The following NUMB variants were observed in gnomAD, a reference collection of about 807,000 sequenced individuals.
NUMB encodes NUMB endocytic adaptor protein, also known as protein numb homolog.
NUMB carries 29 observed loss-of-function variants against 59.7 expected under a neutral mutation model. The observed-to-expected ratio is 0.49, with a 90% CI of 0.36 to 0.66. The LOEUF is 0.66. Among genes scored for constraint, NUMB ranks in the 30% least tolerant of loss-of-function variants. The pLI is 0.00. For synonymous variants in NUMB, 288 were observed against 288.2 expected (o/e 1.00, Z 0.01); for missense variants, 723 against 822.0 (o/e 0.88, Z 1.47).
At chr14:73,352,704 T>TA (rs1893472307) in intron 4 of NUMB, among the ~76,000 whole-genome samples, 1 of 145,798 alleles carries the variant, frequency 6.9e-6, no homozygotes, top group African/African-American at 2.5e-5. Context: ...CCAGCTAATT[T>TA]TTTTTTTTTT....
intron 7 of NUMB, among the ~76,000 whole-genome samples, chr14:73,294,900 G>A (rs1889656158): frequency 7.3e-6 from 1 of 136,276 alleles, no homozygotes. Context: ...AGGACTGCTT[G>A]AGCCCAGGGG....
At position 73,422,190 on chromosome 14, in the gene NUMB, G is replaced by A. The variant is rs10132925; in HGVS notation, c.-232-12122C>T. On this transcript the variant is annotated intron_variant, in intron 1 of 12. Transcript: ENST00000555238. Reference sequence around the variant, plus strand: ...AACAGGTTTTTCACCTACAATGTCTGGGGAAATAAAGTTATGCGGAACTGT... The same window carrying A: ...AACAGGTTTTTCACCTACAATGTCTAGGGAAATAAAGTTATGCGGAACTGT... Among the ~76,000 whole-genome samples, 202 of 152,150 alleles carry A rather than the reference G, an allele frequency of 1.3e-3. 1 individual carries two copies. The highest frequency in any genetic ancestry group is 4.7e-3 in the African/African-American group (195 of 41,526).
chr14:73,431,210 C>T (rs1897813303), intron 1 of NUMB, among the ~76,000 whole-genome samples: 1 of 150,964 alleles, frequency 6.6e-6, no homozygotes, highest in African/African-American at 2.4e-5. Context: ...CCGCCTTGGC[C>T]TTCCAAAGTG....
At chr14:73,341,553 G>A (rs1892630130) in intron 4 of NUMB, among the ~76,000 whole-genome samples, 1 of 152,088 alleles carries the variant, frequency 6.6e-6, no homozygotes, top group Admixed American at 6.6e-5. Flanking sequence ...AATGGGGTAG[G>A]AAAAGTGTTG....
At chr14:73,350,056 C>T (rs1417977798) in intron 4 of NUMB, among the ~76,000 whole-genome samples, 2 of 132,338 alleles carry the variant, frequency 1.5e-5, no homozygotes, top group African/African-American at 3.2e-5. Flanking sequence ...TACATACATA[C>T]ATATATACAT....
At chr14:73,434,039 A>G (rs1897945627) in intron 1 of NUMB, among the ~76,000 whole-genome samples, 1 of 152,198 alleles carries the variant, frequency 6.6e-6, no homozygotes, top group Non-Finnish European at 1.5e-5. Context: ...GGTCACAGTG[A>G]GCCAAGATCG....
chr14:73,284,069 A>ACATTACCTGCC lies in NUMB; in HGVS notation c.949+11_949+12insGGCAGGTAATG. ...CTCGAGTACCCAGTGAGTCAGGTAG[A>ACATTACCTGCC]TGCTACATTACCTGCATTTTTAATG... On this transcript the variant is annotated intron_variant, in intron 10 of 12. Transcript: ENST00000555238. 1.9e-6 allele frequency: 3 copies of ACATTACCTGCC among 1,611,852 alleles called. No individual in the cohort carries two copies. Among genetic ancestry groups the ACATTACCTGCC allele is most frequent in the Non-Finnish European group, 2.5e-6 (3 of 1,178,028 alleles).
intron 6 of NUMB, among the ~76,000 whole-genome samples, chr14:73,307,760 T>C (rs1435524909): frequency 1.7e-5 from 2 of 114,312 alleles, no homozygotes; most frequent in Non-Finnish European, 3.4e-5. Flanking sequence ...TGAGACGGAG[T>C]CTTGCTCTGT....
chr14:73,365,555 G>C (rs1211693272), intron 3 of NUMB, among the ~76,000 whole-genome samples: 1 of 151,934 alleles, frequency 6.6e-6, no homozygotes, highest in South Asian at 2.1e-4. Flanking sequence ...AGGACTGCTC[G>C]AGCCTAAGAG....
intron 2 of NUMB, among the ~76,000 whole-genome samples, chr14:73,388,109 A>G (rs963011874): frequency 6.8e-6 from 1 of 146,114 alleles, no homozygotes; most frequent in East Asian, 1.9e-4. Flanking sequence ...TCTCTAAAAA[A>G]ATAAAATAAA....
rs186266665 is a variant in NUMB, at chr14:73,288,986, A to T, written c.451-1672T>A. ...GCCTACAGTAAGCTCTAATTGTGCC[A>T]CTGCACTCCAGCCTGGGTGACATAA... On this transcript the variant is annotated intron_variant, in intron 8 of 12. Coordinates refer to ENST00000555238, the MANE Select transcript of NUMB (RefSeq NM_001005743.2). Among the ~76,000 whole-genome samples the T allele has an allele frequency of 1.6e-3, 246 of 152,308 alleles. 1 individual carries two copies. The highest frequency in any genetic ancestry group is 1.8e-3 in the Non-Finnish European group (120 of 68,030).
intron 3 of NUMB, among the ~76,000 whole-genome samples, chr14:73,364,549 C>CAT (rs1042022156): frequency 1.1e-4 from 17 of 151,762 alleles, no homozygotes; most frequent in Non-Finnish European, 1.6e-4. Context: ...AATACACATA[C>CAT]ATATATATAT....
chr14:73,288,270 A>T (rs368795751), intron 8 of NUMB, among the ~76,000 whole-genome samples: 89 of 151,920 alleles, frequency 5.9e-4, no homozygotes, highest in African/African-American at 2.0e-3. Flanking sequence ...AAAAAAAATT[A>T]GGCCAGGTGC....
At chr14:73,391,075 A>C (rs576506559) in intron 2 of NUMB, among the ~76,000 whole-genome samples, 325 of 151,400 alleles carry the variant, frequency 2.1e-3, no homozygotes, top group Non-Finnish European at 4.0e-3. Flanking sequence ...ATATATTCAA[A>C]CTCTTTTTCT....
At chr14:73,300,144 G>A (rs774322790) in intron 6 of NUMB, among the ~76,000 whole-genome samples, 6 of 152,026 alleles carry the variant, frequency 3.9e-5, no homozygotes, top group Non-Finnish European at 7.4e-5. Flanking sequence ...TCCTCTTCAC[G>A]TGCTGAATGG....
At position 73,434,799 on chromosome 14, in the gene NUMB, G is replaced by C. The variant is rs560174265; in HGVS notation, c.-233+23694C>G. ...CTTTTGAATCATTCAACTTATCAAA[G>C]TTCCCACCAATATTAACCAATAGCA... On this transcript the variant is annotated intron_variant, in intron 1 of 12. Transcript: ENST00000555238. Among the ~76,000 whole-genome samples the C allele has an allele frequency of 3.0e-4, 45 of 151,998 alleles. 1 individual carries two copies. In the South Asian group the frequency reaches 9.3e-3, roughly 32 times the overall value.
At chr14:73,371,945 G>C (rs780710099) in intron 2 of NUMB, among the ~76,000 whole-genome samples, 2 of 151,928 alleles carry the variant, frequency 1.3e-5, no homozygotes, top group African/African-American at 4.8e-5. Context: ...AGAAAGAGGA[G>C]AAGTGACCAG....
intron 1 of NUMB, among the ~76,000 whole-genome samples, chr14:73,410,777 T>C (rs1291480579): frequency 6.6e-6 from 1 of 152,210 alleles, no homozygotes; most frequent in Non-Finnish European, 1.5e-5. Context: ...ATGATTTACA[T>C]GAACTCTAAA....
Position 73,296,441 on chromosome 14 carries a change from C to CA in NUMB, c.309+769dup, listed in dbSNP as rs34343929. On this transcript the variant is annotated intron_variant, in intron 7 of 12. Transcript: ENST00000555238. ...GGGCAACAAGAGTGAAACTCCATCT[C>CA]AAAAAAAAAAAAAAAAGAACTCAGA... 1.4e-3 allele frequency among the ~76,000 whole-genome samples: 172 copies of CA among 124,010 alleles called. No homozygotes were observed. The Middle Eastern group carries it at 0.014, about 10-fold the overall frequency. 81.4% of individuals were successfully genotyped at this position (124,010 alleles called of 152,430 possible). A position where few individuals can be genotyped will look rare whatever the true frequency, so the allele number is the denominator to read the frequency against.
Sources: gnomAD v4.1 joint callset for allele counts (sites outside exome capture counted in the v4.1 genomes callset) on GRCh38, gnomAD v4.1.1 for gene constraint, MANE v1.5 for transcripts, NCBI Gene and HGNC (gene_info 2026-07-23, HGNC 2026-07-21) for gene names.